The following ARHGAP32 variants were observed in gnomAD, a reference collection of about 807,000 sequenced individuals.
The protein encoded by ARHGAP32 is rho GTPase-activating protein 32.
In ARHGAP32, 51 loss-of-function variants were observed where a neutral mutation model predicts 186.5. The ratio of observed to expected loss-of-function variants is 0.27; its 90% confidence interval spans 0.22 to 0.35. The LOEUF is 0.35. Ranked by LOEUF, ARHGAP32 falls within the 10% of genes least tolerant of loss-of-function variation. The pLI is 1.00. For missense variants in ARHGAP32, 2,186 were observed against 2,623.5 expected (o/e 0.83, Z 3.64); for synonymous variants, 950 against 964.3 (o/e 0.99, Z 0.27).
Position 129,188,756 on chromosome 11 carries a change from G to A in ARHGAP32, c.116+3327C>T, listed in dbSNP as rs1027015316. On this transcript the variant is annotated intron_variant, in intron 1 of 22. Coordinates refer to ENST00000682385, the MANE Select transcript of ARHGAP32 (RefSeq NM_001378024.1). Reference sequence around the variant, plus strand: ...GTTTAACTAAAGTCAGAACTTTCTCGTCACTTAAAATGAATTGCCTTAATA... The same window carrying A: ...GTTTAACTAAAGTCAGAACTTTCTCATCACTTAAAATGAATTGCCTTAATA... Among the ~76,000 whole-genome samples, 11 of 152,218 alleles carry A rather than the reference G, an allele frequency of 7.2e-5. No individual in the cohort carries two copies. The South Asian group carries it at 1.9e-3, about 26-fold the overall frequency.
intron 1 of ARHGAP32, among the ~76,000 whole-genome samples, chr11:129,178,881 G>A (rs1943983374): frequency 6.6e-6 from 1 of 151,942 alleles, no homozygotes; most frequent in African/African-American, 2.4e-5. Flanking sequence ...ACATAGGCAT[G>A]GGCAAGAACT....
rs1041750227 is a variant in ARHGAP32, at chr11:129,064,759, A to G, written c.762+82T>C. On this transcript the variant is annotated intron_variant, in intron 8 of 22. Coordinates refer to ENST00000682385, the MANE Select transcript of ARHGAP32 (RefSeq NM_001378024.1). ...TTCTTTGATTCCTGAAGCTCAATAG[A>G]CATCAAAATTATGTTAATATCAAAT... is the stretch of plus-strand genomic sequence containing the variant. The G allele has an allele frequency of 4.8e-6, 5 of 1,035,470 alleles. No homozygotes were observed. In the Admixed American group the frequency reaches 6.2e-5, roughly 13 times the overall value. 64.1% of individuals were successfully genotyped at this position (1,035,470 alleles called of 1,614,324 possible).
At chr11:129,242,575 G>A (rs939510850) in intron 1 of ARHGAP32, among the ~76,000 whole-genome samples, 16 of 151,840 alleles carry the variant, frequency 1.1e-4, no homozygotes, top group East Asian at 9.7e-4. Flanking sequence ...AAAATTAGCC[G>A]GGCGTGGTGG....
chr11:129,079,129 G>A (rs1030761454), intron 6 of ARHGAP32, among the ~76,000 whole-genome samples: 6 of 152,142 alleles, frequency 3.9e-5, no homozygotes, highest in African/African-American at 1.2e-4. Flanking sequence ...ATGACTAAAC[G>A]TAACAATAAT....
At chr11:129,249,265 C>A (rs555392493) in intron 1 of ARHGAP32, among the ~76,000 whole-genome samples, 98 of 151,964 alleles carry the variant, frequency 6.4e-4, no homozygotes, top group African/African-American at 2.3e-3. Context: ...ACTAAAAAAA[C>A]AGTAATACTC....
chr11:129,036,448 T>C (rs2134997193), intron 11 of ARHGAP32, among the ~76,000 whole-genome samples: 1 of 149,324 alleles, frequency 6.7e-6, no homozygotes, highest in East Asian at 2.0e-4. Context: ...TTTATTTTAA[T>C]GCCAATATTA....
At chr11:129,162,314 A>G (rs1400516807) in intron 2 of ARHGAP32, among the ~76,000 whole-genome samples, 1 of 152,196 alleles carries the variant, frequency 6.6e-6, no homozygotes, top group Non-Finnish European at 1.5e-5. Flanking sequence ...AATCTAAAAT[A>G]AATTACACAT....
At chr11:128,976,488 T>C in intron 20 of ARHGAP32, 75 bp downstream of exon 20, 1 of 1,221,088 alleles carries the variant, frequency 8.2e-7, no homozygotes, top group Non-Finnish European at 1.2e-6. Flanking sequence ...CACAGATATA[T>C]AAAAATATAC....
At chr11:129,032,157 T>C (rs1939141337) in intron 11 of ARHGAP32, among the ~76,000 whole-genome samples, 1 of 152,192 alleles carries the variant, frequency 6.6e-6, no homozygotes, top group Non-Finnish European at 1.5e-5. Flanking sequence ...GACCCTCCAC[T>C]GAGTTAACAT....
At chr11:129,016,967 T>G (rs943012891) in intron 11 of ARHGAP32, among the ~76,000 whole-genome samples, 1 of 152,238 alleles carries the variant, frequency 6.6e-6, no homozygotes, top group Admixed American at 6.5e-5. Flanking sequence ...ATGACTTTCT[T>G]GATGTTATAA....
chr11:129,045,637 T>C (rs1939776425), intron 10 of ARHGAP32, among the ~76,000 whole-genome samples: 2 of 152,236 alleles, frequency 1.3e-5, no homozygotes, highest in South Asian at 4.1e-4. Flanking sequence ...TTTGATAAAA[T>C]GTCAAATGGT....
rs1945341243 is a variant in ARHGAP32, at chr11:128,970,674, G to T, written c.4539C>A (p.Asn1513Lys). 3 of 1,614,202 alleles carry T rather than the reference G, an allele frequency of 1.9e-6. No homozygotes were observed. Among genetic ancestry groups the T allele is most frequent in the Non-Finnish European group, 2.5e-6 (3 of 1,180,036 alleles). The change falls in exon 23 of 23, where the codon AAC (asparagine) becomes AAA (lysine). Residue 1513 changes from asparagine to lysine, a missense_variant. Around this residue, in one of 5 missense-constraint regions of ARHGAP32, gnomAD observed 1,502 missense variants for 1,570.0 expected, o/e 0.96. Transcript: ENST00000682385. This position sits in a 1 kb window ranked among gnomAD's most constrained non-coding sequence, Gnocchi z 5.8. ...DNCLHFNMTP[N>K]CQYRPQSVPP... ...GTACACTCTGGGGACGGTACTGGCAGTTTGGAGTCATATTGAAATGCAAAC... is the reference window on the plus strand; with the variant it reads ...GTACACTCTGGGGACGGTACTGGCATTTTGGAGTCATATTGAAATGCAAAC...
chr11:128,997,815 G>A (rs1262929129), intron 12 of ARHGAP32, among the ~76,000 whole-genome samples: 2 of 152,160 alleles, frequency 1.3e-5, no homozygotes, highest in Non-Finnish European at 2.9e-5. Context: ...GACTGCCTGA[G>A]CCCAGGAATT....
intron 11 of ARHGAP32, among the ~76,000 whole-genome samples, chr11:129,040,676 C>A (rs1476738162): frequency 6.6e-6 from 1 of 151,984 alleles, no homozygotes; most frequent in African/African-American, 2.4e-5. Flanking sequence ...TATTATGCAA[C>A]TATAAAAGTA....
chr11:129,192,238 T>C lies in ARHGAP32; in HGVS notation c.-40A>G. ...ACAAAAAAAACTAAACCTCCAGGCA[T>C]GGAATAAAAAGCACCAACATTCAGG... On this transcript the variant is annotated 5_prime_UTR_variant, in exon 1 of 23. It removes an upstream start codon present in the reference 5' UTR. Coordinates refer to ENST00000682385, the MANE Select transcript of ARHGAP32 (RefSeq NM_001378024.1). 1 of 1,455,066 alleles carries C rather than the reference T, an allele frequency of 6.9e-7. No individual in the cohort carries two copies. The highest frequency in any genetic ancestry group is 1.1e-5 in the South Asian group (1 of 87,526). The allele number at this position is 1,455,066 out of a possible 1,614,324, so 90.1% of individuals were successfully genotyped here. A position where few individuals can be genotyped will look rare whatever the true frequency, so the allele number is the denominator to read the frequency against.
chr11:129,250,198 C>G, intron 1 of ARHGAP32, among the ~76,000 whole-genome samples: 1 of 152,064 alleles, frequency 6.6e-6, no homozygotes, highest in East Asian at 1.9e-4. Context: ...GCCTGGGCAA[C>G]AGAGCAAGCC....
intron 1 of ARHGAP32, among the ~76,000 whole-genome samples, chr11:129,235,135 A>T (rs1382176066): frequency 2.6e-5 from 4 of 152,182 alleles, no homozygotes; most frequent in Admixed American, 1.3e-4. Context: ...ACGTGAAGGG[A>T]GTGTGGCCCT....
At chr11:129,197,388 C>T (rs1944406738) in intron 1 of ARHGAP32, among the ~76,000 whole-genome samples, 1 of 152,210 alleles carries the variant, frequency 6.6e-6, no homozygotes, top group Admixed American at 6.5e-5. Flanking sequence ...TCTTGATGCT[C>T]TGACATCGTT....
chr11:129,241,501 C>T (rs1945017183), intron 1 of ARHGAP32, among the ~76,000 whole-genome samples: 1 of 151,872 alleles, frequency 6.6e-6, no homozygotes, highest in Non-Finnish European at 1.5e-5. Flanking sequence ...TAAAAATTAG[C>T]CGGGTGTGTT....
Sources: gnomAD v4.1 joint callset for allele counts (sites outside exome capture counted in the v4.1 genomes callset) on GRCh38, gnomAD v4.1.1 for gene constraint, gnomAD v4.1.1 regional missense constraint, Gnocchi (gnomAD v3.1) non-coding constraint, MANE v1.5 for transcripts, NCBI Gene and HGNC (gene_info 2026-07-23, HGNC 2026-07-21) for gene names.